Variants in RYR2 observed in about 807,000 individuals in gnomAD.
RYR2 encodes the protein ryanodine receptor 2, also known as cardiac muscle ryanodine receptor-calcium release channel.
Under a neutral mutation model 601.1 loss-of-function variants are expected in RYR2, and 227 were observed. The observed-to-expected ratio is 0.38, with a 90% CI of 0.34 to 0.42. The LOEUF is 0.42. Ranked by LOEUF, RYR2 falls within the 10% of genes least tolerant of loss-of-function variation. RYR2 has a pLI of 1.00. For missense variants in RYR2, 4,646 were observed against 6,156.5 expected, an observed-to-expected ratio of 0.75 and a Z score of 8.21; for synonymous variants, 2,223 against 2,175.1, an observed-to-expected ratio of 1.02 and a Z score of -0.61.
intron 52 of RYR2, 28 bp from the exon 53 acceptor site, chr1:237,655,790 ATTT>A: frequency 8.5e-7 from 1 of 1,182,076 alleles, no homozygotes; most frequent in Admixed American, 2.5e-5. Context: ...CCATATAGTA[ATTT>A]TTTTTTTTGG....
intron 3 of RYR2, among the ~76,000 whole-genome samples, chr1:237,334,024 A>T (rs962450786): frequency 2.0e-5 from 3 of 152,198 alleles, no homozygotes; most frequent in Non-Finnish European, 4.4e-5. Context: ...TCAGTAAATT[A>T]AACAATACTT....
At chr1:237,472,156 CAAT>C (rs1455854786) in intron 17 of RYR2, among the ~76,000 whole-genome samples, 6 of 152,160 alleles carry the variant, frequency 3.9e-5, no homozygotes, top group East Asian at 1.9e-4. Context: ...GAGGCAGTAA[CAAT>C]GATGAGATGC....
At chr1:237,607,134 T>C (rs1452545881) in intron 35 of RYR2, among the ~76,000 whole-genome samples, 1 of 152,202 alleles carries the variant, frequency 6.6e-6, no homozygotes, top group East Asian at 1.9e-4. Context: ...CGTATGTTTA[T>C]TGTGGCATTA....
At chr1:237,460,391 G>A (rs1659343901) in intron 16 of RYR2, among the ~76,000 whole-genome samples, 1 of 152,116 alleles carries the variant, frequency 6.6e-6, no homozygotes, top group Admixed American at 6.5e-5. Context: ...TGTTGAAACT[G>A]GGTCAACTCC....
At chr1:237,236,273 T>C (rs1198883127) in intron 1 of RYR2, among the ~76,000 whole-genome samples, 1 of 152,220 alleles carries the variant, frequency 6.6e-6, no homozygotes, top group Non-Finnish European at 1.5e-5. Flanking sequence ...TGTGAGAAAG[T>C]AGATCAGTCA....
rs371931287 is a variant in RYR2, at chr1:237,705,282, T to C, written c.9519T>C (p.Thr3173=). Residue 3173 remains threonine (T), a synonymous_variant, in exon 67 of 105, where the codon ACT becomes ACC. Transcript: ENST00000366574. ...AGAFPVAFLE[T]HLDKHNIYSI... Reference sequence around the variant, plus strand: ...CTTTTCCTGTAGCATTTTTGGAAACTCATCTGGACAAACATAATATTTACT... The same window carrying C: ...CTTTTCCTGTAGCATTTTTGGAAACCCATCTGGACAAACATAATATTTACT... 959 of 1,605,280 alleles carry C rather than the reference T, an allele frequency of 6.0e-4. 1 individual carries two copies. The highest frequency in any genetic ancestry group is 7.7e-4 in the Non-Finnish European group (910 of 1,174,956).
At chr1:237,535,628 A>T (rs1312589531) in intron 25 of RYR2, among the ~76,000 whole-genome samples, 1 of 152,146 alleles carries the variant, frequency 6.6e-6, no homozygotes, top group Non-Finnish European at 1.5e-5. Flanking sequence ...CAAAGCCCAG[A>T]TCAAGACAGT....
intron 1 of RYR2, among the ~76,000 whole-genome samples, chr1:237,201,596 C>A (rs769450911): frequency 6.6e-6 from 1 of 152,092 alleles, no homozygotes; most frequent in Non-Finnish European, 1.5e-5. Flanking sequence ...TTAGGGAAGC[C>A]CATTACACAA....
At chr1:237,303,930 A>G (rs1693623668) in intron 2 of RYR2, among the ~76,000 whole-genome samples, 1 of 152,184 alleles carries the variant, frequency 6.6e-6, no homozygotes, top group Non-Finnish European at 1.5e-5. Flanking sequence ...AATTCCAACC[A>G]CCACAGCCTT....
chr1:237,648,629 T>A lies in RYR2; in HGVS notation c.7512+16T>A. The A allele has an allele frequency of 6.2e-7, 1 of 1,601,970 alleles. No individual in the cohort carries two copies. The highest frequency in any genetic ancestry group is 8.5e-7 in the Non-Finnish European group (1 of 1,173,232). On this transcript the variant is annotated intron_variant, in intron 49 of 104. Transcript: ENST00000366574. Reference sequence around the variant, plus strand: ...TTTAGATACGGTGAGATTGGAGCGATGGACTTCCTCCTCTCTTGACTCTTC... The same window carrying A: ...TTTAGATACGGTGAGATTGGAGCGAAGGACTTCCTCCTCTCTTGACTCTTC...
At chr1:237,077,579 T>C (rs1665129511) in intron 1 of RYR2, among the ~76,000 whole-genome samples, 2 of 126,232 alleles carry the variant, frequency 1.6e-5, no homozygotes, top group Non-Finnish European at 3.4e-5. Flanking sequence ...GAGCTAACTA[T>C]CCTAAATATT....
chr1:237,584,649 G>T (rs371909257), intron 29 of RYR2, among the ~76,000 whole-genome samples: 84 of 72,350 alleles, frequency 1.2e-3, no homozygotes, highest in Admixed American at 1.7e-3. Flanking sequence ...CTCACCACCT[G>T]TTTTTTTTTT....
At position 237,819,836 on chromosome 1, in the gene RYR2, CCAACAACAA is replaced by C. The variant is rs146324561; in HGVS notation, c.14590+657_14590+665del. Among the ~76,000 whole-genome samples, 2 of 151,188 alleles carry C rather than the reference CCAACAACAA, an allele frequency of 1.3e-5. No individual in the cohort carries two copies. The highest frequency in any genetic ancestry group is 2.9e-5 in the Non-Finnish European group (2 of 67,850). ...TCCATTTCAAAACACACACTCAAAC[CCAACAACAA>C]CAACAACAACAAAAACTTCTAAGCC... On this transcript the variant is annotated intron_variant, in intron 101 of 104. Transcript: ENST00000366574. The surrounding 1 kb of genome is among the most constrained non-coding windows in gnomAD (Gnocchi z 4.0).
At chr1:237,828,507 C>A (rs1663409903) in intron 102 of RYR2, 62 bp downstream of exon 102, 2 of 1,067,538 alleles carry the variant, frequency 1.9e-6, no homozygotes, top group Admixed American at 2.2e-5. Context: ...TTCCTCACTA[C>A]CTTTATCAAT....
At chr1:237,072,772 C>T (rs1040554402) in intron 1 of RYR2, among the ~76,000 whole-genome samples, 1 of 151,920 alleles carries the variant, frequency 6.6e-6, no homozygotes, top group Non-Finnish European at 1.5e-5. Context: ...TATTGCGAAA[C>T]CCCGACTCTA....
intron 35 of RYR2, among the ~76,000 whole-genome samples, chr1:237,608,800 T>TG (rs1573089151): frequency 1.7e-5 from 2 of 114,418 alleles, no homozygotes; most frequent in African/African-American, 9.8e-5. Flanking sequence ...TGACCTGTTT[T>TG]TTTTTTTTTT....
At chr1:237,663,742 C>T (rs1684027072) in intron 56 of RYR2, among the ~76,000 whole-genome samples, 1 of 152,208 alleles carries the variant, frequency 6.6e-6, no homozygotes, top group South Asian at 2.1e-4. Flanking sequence ...TTGTCGTTAT[C>T]ATCGTTATGT....
chr1:237,696,794 C>G (rs1687489959), intron 63 of RYR2, among the ~76,000 whole-genome samples: 2 of 152,022 alleles, frequency 1.3e-5, no homozygotes, highest in African/African-American at 4.8e-5. Flanking sequence ...ACATTCAATC[C>G]ATAAGTAAAT....
chr1:237,154,086 T>C (rs1572032758), intron 1 of RYR2, among the ~76,000 whole-genome samples: 2 of 152,196 alleles, frequency 1.3e-5, no homozygotes, highest in African/African-American at 4.8e-5. Flanking sequence ...TGGGCTGCAT[T>C]GCAGTCACAA....
Sources: gnomAD v4.1 joint callset for allele counts (sites outside exome capture counted in the v4.1 genomes callset) on GRCh38, gnomAD v4.1.1 for gene constraint, Gnocchi (gnomAD v3.1) non-coding constraint, MANE v1.5 for transcripts, NCBI Gene and HGNC (gene_info 2026-07-23, HGNC 2026-07-21) for gene names.